Variants in ELF5 observed in about 807,000 individuals in gnomAD.
The protein encoded by ELF5 is E74 like ETS transcription factor 5.
ELF5 carries 31 observed loss-of-function variants against 38.2 expected under a neutral mutation model. The ratio of observed to expected loss-of-function variants is 0.81; its 90% confidence interval spans 0.61 to 1.10. The LOEUF is 1.10. ELF5 is among the 50% of genes least tolerant of loss of function. The probability of loss-of-function intolerance (pLI) is 0.00; values close to 1 mark genes in which losing one functional copy is unlikely to be tolerated. For missense variants in ELF5, 300 were observed against 306.6 expected, an observed-to-expected ratio of 0.98 and a Z score of 0.16; for synonymous variants, 121 against 112.5, an observed-to-expected ratio of 1.08 and a Z score of -0.48.
chr11:34,506,326 G>A (rs954698650), intron 1 of ELF5, among the ~76,000 whole-genome samples: 1 of 151,976 alleles, frequency 6.6e-6, no homozygotes, highest in Non-Finnish European at 1.5e-5. Context: ...TAGACACTGG[G>A]GACTACCAGA....
At chr11:34,493,841 G>T (rs1254109762) in intron 2 of ELF5, 129 bp from the exon 3 acceptor site, 2 of 761,240 alleles carry the variant, frequency 2.6e-6, no homozygotes, top group East Asian at 5.4e-5. Flanking sequence ...CTCCAGCCCT[G>T]GGTGTTCTGC....
intron 4 of ELF5, 41 bp downstream of exon 4, chr11:34,489,968 A>G: frequency 1.2e-6 from 2 of 1,610,788 alleles, no homozygotes; most frequent in South Asian, 2.2e-5. Flanking sequence ...ACCAATGACA[A>G]CCTTGACAGA....
At chr11:34,501,692 A>T (rs1042380247) in intron 2 of ELF5, among the ~76,000 whole-genome samples, 1 of 152,062 alleles carries the variant, frequency 6.6e-6, no homozygotes, top group African/African-American at 2.4e-5. Context: ...GTATTTTGCA[A>T]TCTGGACTGT....
chr11:34,495,129 C>T (rs183139620), intron 2 of ELF5, among the ~76,000 whole-genome samples: 176 of 152,296 alleles, frequency 1.2e-3, no homozygotes, highest in African/African-American at 3.9e-3. Context: ...AGCCATTGCT[C>T]TCCCCACACC....
chr11:34,483,449 C>T (rs920932668), intron 4 of ELF5, among the ~76,000 whole-genome samples: 4 of 151,888 alleles, frequency 2.6e-5, no homozygotes, highest in Non-Finnish European at 4.4e-5. Flanking sequence ...TCAGTATCAT[C>T]GAGCAGCCAC....
At position 34,485,973 on chromosome 11, in the gene ELF5, G is replaced by A. The variant is rs539649374; in HGVS notation, c.407-3474C>T. 2.0e-5 allele frequency among the ~76,000 whole-genome samples: 3 copies of A among 152,288 alleles called. No homozygotes were observed. The South Asian group carries it at 6.2e-4, about 32-fold the overall frequency. ...TCCCTGCAGCTGGTGGGGGATGAGGGGAGACATGGCCCAGGCTCTCTGCAG... is the reference window on the plus strand; with the variant it reads ...TCCCTGCAGCTGGTGGGGGATGAGGAGAGACATGGCCCAGGCTCTCTGCAG... On this transcript the variant is annotated intron_variant, in intron 4 of 6. Transcript: ENST00000257832.
intron 4 of ELF5, among the ~76,000 whole-genome samples, chr11:34,482,700 C>A (rs919882008): frequency 4.4e-4 from 67 of 152,142 alleles, no homozygotes; most frequent in Non-Finnish European, 2.4e-4. Flanking sequence ...TTCAATCTCA[C>A]CCCACCCTGA....
intron 1 of ELF5, chr11:34,511,659 G>A (rs1468215107): frequency 1.8e-5 from 28 of 1,526,086 alleles, no homozygotes; most frequent in South Asian, 6.8e-5. Flanking sequence ...AGGGTCCACC[G>A]AGTTGGAGGG....
chr11:34,481,306 G>A lies in ELF5; in HGVS notation c.476-339C>T, dbSNP rs146549964. ...CCCAAAGTGCTGGGATTACAGGTGT[G>A]AGCCACCGTGCCCAGCTTGTTTTTT... On this transcript the variant is annotated intron_variant, in intron 5 of 6. Coordinates refer to ENST00000257832, the MANE Select transcript of ELF5 (RefSeq NM_001422.4). Among the ~76,000 whole-genome samples the A allele has an allele frequency of 4.1e-3, 629 of 152,238 alleles. 6 individuals carry two copies. Among genetic ancestry groups the A allele is most frequent in the African/African-American group, 0.014 (594 of 41,526 alleles).
At chr11:34,498,536 G>A (rs1850372596) in intron 2 of ELF5, among the ~76,000 whole-genome samples, 2 of 152,228 alleles carry the variant, frequency 1.3e-5, no homozygotes, top group East Asian at 3.9e-4. Context: ...TAAAAGCTGG[G>A]GACACAGGCG....
At chr11:34,493,442 G>T in intron 3 of ELF5, 37 bp downstream of exon 3, 1 of 1,588,708 alleles carries the variant, frequency 6.3e-7, no homozygotes, top group South Asian at 1.1e-5. Flanking sequence ...CCTAATCCTG[G>T]TCCCTCCCCT....
rs1354827147 is a variant in ELF5, at chr11:34,479,201, A to T, written c.*1017T>A. On this transcript the variant is annotated 3_prime_UTR_variant, in exon 7 of 7. Transcript: ENST00000257832. ...AAGACACACAATTTAATTTGCCATT[A>T]CAGAGTTGTTAGGACATTTCCGGTT... 3 of 152,694 alleles carry T rather than the reference A, an allele frequency of 2.0e-5. No homozygotes were observed. Among genetic ancestry groups the T allele is most frequent in the African/African-American group, 7.2e-5 (3 of 41,464 alleles). 9.5% of individuals were successfully genotyped at this position (152,694 alleles called of 1,614,324 possible).
chr11:34,488,352 G>C (rs1398284819), intron 4 of ELF5, among the ~76,000 whole-genome samples: 1 of 152,108 alleles, frequency 6.6e-6, no homozygotes, highest in African/African-American at 2.4e-5. Flanking sequence ...GGGAGCAAAG[G>C]CATGAAGGGC....
chr11:34,486,483 T>G (rs1330974326), intron 4 of ELF5, among the ~76,000 whole-genome samples: 1 of 152,082 alleles, frequency 6.6e-6, no homozygotes, highest in East Asian at 1.9e-4. Context: ...GGCCCAGAAC[T>G]TGAGGAGTTT....
intron 4 of ELF5, among the ~76,000 whole-genome samples, chr11:34,482,914 A>G (rs1032939390): frequency 6.6e-6 from 1 of 152,110 alleles, no homozygotes; most frequent in African/African-American, 2.4e-5. Context: ...AGAAAGCAAG[A>G]CGTTAACTCC....
chr11:34,487,332 G>A (rs1257502272), intron 4 of ELF5, among the ~76,000 whole-genome samples: 1 of 152,106 alleles, frequency 6.6e-6, no homozygotes, highest in Non-Finnish European at 1.5e-5. Context: ...ACCATCAGCA[G>A]AGGGCTTGTC....
intron 4 of ELF5, among the ~76,000 whole-genome samples, chr11:34,488,067 T>A (rs946816810): frequency 1.3e-5 from 2 of 151,990 alleles, no homozygotes; most frequent in Non-Finnish European, 2.9e-5. Context: ...TTCCTCCAAA[T>A]AGCTGTCCCT....
intron 2 of ELF5, among the ~76,000 whole-genome samples, chr11:34,499,833 C>A (rs1850414495): frequency 6.6e-6 from 1 of 152,186 alleles, no homozygotes; most frequent in Non-Finnish European, 1.5e-5. Flanking sequence ...TGAGCCTGGG[C>A]TGTGGAGATG....
intron 2 of ELF5, among the ~76,000 whole-genome samples, chr11:34,504,317 G>A (rs938171817): frequency 6.6e-6 from 1 of 152,250 alleles, no homozygotes; most frequent in Non-Finnish European, 1.5e-5. Context: ...GCCTAAAGGA[G>A]AATTGTAAGA....
Sources: gnomAD v4.1 joint callset for allele counts (sites outside exome capture counted in the v4.1 genomes callset) on GRCh38, gnomAD v4.1.1 for gene constraint, MANE v1.5 for transcripts, NCBI Gene and HGNC (gene_info 2026-07-23, HGNC 2026-07-21) for gene names.